SUGCT: variants seen among roughly 807,000 people sequenced by gnomAD.
SUGCT encodes succinyl-CoA:glutarate-CoA transferase.
Under a neutral mutation model 55.0 loss-of-function variants are expected in SUGCT, and 41 were observed. That is an observed-to-expected ratio of 0.74 (90% CI 0.58 to 0.97). SUGCT has a LOEUF of 0.97. Ranked by LOEUF, SUGCT falls within the 50% of genes least tolerant of loss-of-function variation. SUGCT has a pLI of 0.00. For missense variants in SUGCT, 568 were observed against 547.8 expected (o/e 1.04, Z -0.37); for synonymous variants, 187 against 200.4 (o/e 0.93, Z 0.56).
chr7:40,929,940 C>A, the SUGCT span, among the ~76,000 whole-genome samples: 1 of 152,112 alleles, frequency 6.6e-6, no homozygotes, highest in Non-Finnish European at 1.5e-5. Flanking sequence ...TCCCATTTGT[C>A]AATTTTGGCT....
chr7:40,488,265 AT>A (rs1274218794), intron 11 of SUGCT, among the ~76,000 whole-genome samples: 1 of 151,850 alleles, frequency 6.6e-6, no homozygotes, highest in Non-Finnish European at 1.5e-5. Context: ...AGAACTTATG[AT>A]TTTTGTAATA....
the SUGCT span, among the ~76,000 whole-genome samples, chr7:40,877,577 C>T: frequency 6.6e-6 from 1 of 152,196 alleles, no homozygotes; most frequent in African/African-American, 2.4e-5. Context: ...TTAGTCCCAA[C>T]TTTCAAAACC....
chr7:40,406,028 C>T (rs1163664982), intron 9 of SUGCT, among the ~76,000 whole-genome samples: 1 of 151,942 alleles, frequency 6.6e-6, no homozygotes, highest in African/African-American at 2.4e-5. Flanking sequence ...TTTTATCATT[C>T]CTTAAATCAG....
At chr7:40,436,601 A>C (rs1322366229) in intron 9 of SUGCT, among the ~76,000 whole-genome samples, 1 of 152,182 alleles carries the variant, frequency 6.6e-6, no homozygotes, top group African/African-American at 2.4e-5. Context: ...CTTTAGTCTG[A>C]GGTAAATGTA....
chr7:41,029,935 C>T, the SUGCT span, among the ~76,000 whole-genome samples: 2 of 152,226 alleles, frequency 1.3e-5, no homozygotes, highest in South Asian at 4.1e-4. Context: ...TCCCCAACTC[C>T]TGCAGAACAC....
At chr7:40,800,096 A>G (rs562593161) in intron 13 of SUGCT, among the ~76,000 whole-genome samples, 1 of 152,142 alleles carries the variant, frequency 6.6e-6, no homozygotes, top group Admixed American at 6.5e-5. Context: ...TCAATGTGTA[A>G]AGATTTATTC....
At chr7:40,494,491 T>C (rs1255963595) in intron 11 of SUGCT, among the ~76,000 whole-genome samples, 3 of 152,206 alleles carry the variant, frequency 2.0e-5, no homozygotes, top group African/African-American at 7.2e-5. Flanking sequence ...TTATGAAAGA[T>C]TTTTTAAAAC....
chr7:40,218,706 C>A (rs1021577652), intron 6 of SUGCT, among the ~76,000 whole-genome samples: 1 of 152,118 alleles, frequency 6.6e-6, no homozygotes, highest in East Asian at 1.9e-4. Context: ...CTGTGTCTAG[C>A]TAAAGGTTTG....
chr7:40,967,068 C>T, the SUGCT span: 2 of 152,168 alleles, frequency 1.3e-5, no homozygotes, highest in African/African-American at 2.4e-5. Flanking sequence ...CAAGCTCATC[C>T]TTCTCTGAGT....
chr7:40,768,919 G>A (rs74642859), intron 13 of SUGCT, among the ~76,000 whole-genome samples: 9,124 of 152,248 alleles, frequency 0.06, 371 homozygotes, highest in Non-Finnish European at 0.09. Context: ...AGCCTGCAGG[G>A]CGAGGCAGCT....
intron 9 of SUGCT, among the ~76,000 whole-genome samples, chr7:40,389,188 G>T (rs972308839): frequency 6.6e-6 from 1 of 152,160 alleles, no homozygotes. Context: ...GATGGCTTAT[G>T]ACTGTAATCC....
rs530666184 is a variant in SUGCT, at chr7:40,152,681, T to A, written c.100+17561T>A. 7.4e-5 allele frequency: 13 copies of A among 174,510 alleles called. No homozygotes were observed. In the South Asian group the frequency reaches 2.2e-3, roughly 30 times the overall value. 10.8% of individuals were successfully genotyped at this position (174,510 alleles called of 1,614,324 possible). On this transcript the variant is annotated intron_variant, in intron 1 of 13. Transcript: ENST00000335693. ...GGAAAACTCCCGTGGTCAAACACTT[T>A]AATTTTATGGAAAATTAAGGTGTTT...
At chr7:40,414,995 AG>A (rs1786892323) in intron 9 of SUGCT, among the ~76,000 whole-genome samples, 1 of 148,258 alleles carries the variant, frequency 6.7e-6, no homozygotes, top group Non-Finnish European at 1.5e-5. Flanking sequence ...CACTGAGCCG[AG>A]GTCACGCCAC....
At chr7:41,011,233 C>T in the SUGCT span, among the ~76,000 whole-genome samples, 2 of 152,080 alleles carry the variant, frequency 1.3e-5, no homozygotes, top group Non-Finnish European at 1.5e-5. Flanking sequence ...CAGAGGGAGG[C>T]GGATAGAAGA....
At chr7:40,652,099 C>T (rs769330695) in intron 12 of SUGCT, among the ~76,000 whole-genome samples, 3 of 152,064 alleles carry the variant, frequency 2.0e-5, no homozygotes, top group African/African-American at 7.2e-5. Flanking sequence ...TTATTCTTCC[C>T]TATTTTCTGG....
At chr7:40,188,214 A>G (rs757610671) in intron 3 of SUGCT, among the ~76,000 whole-genome samples, 1 of 152,058 alleles carries the variant, frequency 6.6e-6, no homozygotes, top group African/African-American at 2.4e-5. Context: ...CGGGTGGATC[A>G]CCTGAGGTCA....
chr7:40,834,966 A>T (rs940232559), intron 13 of SUGCT, among the ~76,000 whole-genome samples: 11 of 147,440 alleles, frequency 7.5e-5, no homozygotes, highest in African/African-American at 2.7e-4. Flanking sequence ...TTTTTAAATT[A>T]AAAAAAAAAA....
chr7:40,696,917 G>A (rs1338317283), intron 12 of SUGCT, among the ~76,000 whole-genome samples: 1 of 152,052 alleles, frequency 6.6e-6, no homozygotes, highest in African/African-American at 2.4e-5. Context: ...CAACCAAAAT[G>A]GTAAAGACCT....
chr7:40,641,526 T>G (rs1800268662), intron 12 of SUGCT, among the ~76,000 whole-genome samples: 1 of 152,152 alleles, frequency 6.6e-6, no homozygotes. Flanking sequence ...TATGGCTGGT[T>G]CTGTTACCCT....
Sources: allele counts gnomAD v4.1 joint callset (sites outside exome capture counted in the v4.1 genomes callset), GRCh38; gene constraint gnomAD v4.1.1; transcripts MANE v1.5; gene names NCBI Gene and HGNC (gene_info 2026-07-23, HGNC 2026-07-21).